CNPY1: variants seen among roughly 807,000 people sequenced by gnomAD.
CNPY1 encodes protein canopy homolog 1.
CNPY1 carries 14 observed loss-of-function variants against 14.4 expected under a neutral mutation model. The ratio of observed to expected loss-of-function variants is 0.97; its 90% CI spans 0.64 to 1.52. The LOEUF (loss-of-function observed/expected upper bound fraction) is 1.52, where lower values mean the gene tolerates loss of function less well. Among genes scored for constraint, CNPY1 ranks in the 40% most tolerant of loss-of-function variants. The pLI is 0.00. For missense variants in CNPY1, 129 were observed against 131.5 expected (o/e 0.98, Z 0.09); for synonymous variants, 43 against 46.5 (o/e 0.92, Z 0.31).
At chr7:155,537,615 G>C (rs573316346) in intron 2 of CNPY1, among the ~76,000 whole-genome samples, 1 of 152,002 alleles carries the variant, frequency 6.6e-6, no homozygotes, top group African/African-American at 2.4e-5. Context: ...AGTAGAGATG[G>C]GGTTTCACCG....
chr7:155,537,932 A>G (rs1043452964), intron 2 of CNPY1, among the ~76,000 whole-genome samples: 3 of 152,190 alleles, frequency 2.0e-5, no homozygotes, highest in Non-Finnish European at 4.4e-5. Flanking sequence ...AAACAAAAAA[A>G]GAAAGAAAGG....
At chr7:155,527,695 T>C (rs567055083) in intron 2 of CNPY1, among the ~76,000 whole-genome samples, 1 of 151,814 alleles carries the variant, frequency 6.6e-6, no homozygotes, top group African/African-American at 2.4e-5. Context: ...CAAGCTATCC[T>C]CCCGCCTTGG....
intron 2 of CNPY1, among the ~76,000 whole-genome samples, chr7:155,542,352 T>C (rs886249790): frequency 1.3e-5 from 2 of 152,034 alleles, no homozygotes; most frequent in Non-Finnish European, 2.9e-5. Context: ...CCCCCAACCA[T>C]GGTCAGAGCA....
intron 4 of CNPY1, among the ~76,000 whole-genome samples, chr7:155,504,867 A>T (rs2116658670): frequency 6.6e-6 from 1 of 152,320 alleles, no homozygotes; most frequent in East Asian, 1.9e-4. Flanking sequence ...CTGTCCTTGT[A>T]TGTTAGATTA....
At chr7:155,522,141 A>G (rs1462367415) in intron 2 of CNPY1, among the ~76,000 whole-genome samples, 1 of 152,270 alleles carries the variant, frequency 6.6e-6, no homozygotes, top group Non-Finnish European at 1.5e-5. Context: ...CAGGCGCTGC[A>G]TCTTCTACCT....
intron 1 of CNPY1, 37 bp from the exon 2 acceptor site, chr7:155,545,980 A>C (rs1042542092): frequency 1.0e-5 from 4 of 398,530 alleles, no homozygotes; most frequent in African/African-American, 4.1e-5. Context: ...TCAGAGGAGG[A>C]GGCGAGCCAG....
intron 2 of CNPY1, among the ~76,000 whole-genome samples, chr7:155,542,572 A>T (rs1585338779): frequency 1.3e-5 from 2 of 151,970 alleles, no homozygotes; most frequent in East Asian, 3.9e-4. Context: ...CAATGCTGCT[A>T]GTGGCAAAGT....
chr7:155,515,299 C>G (rs1438203726), intron 2 of CNPY1, among the ~76,000 whole-genome samples: 2 of 143,216 alleles, frequency 1.4e-5, no homozygotes, highest in Non-Finnish European at 3.2e-5. Flanking sequence ...AGGCCGCCCC[C>G]CCCCCCCCCG....
chr7:155,533,325 G>A (rs757210297), intron 2 of CNPY1, among the ~76,000 whole-genome samples: 4 of 152,330 alleles, frequency 2.6e-5, no homozygotes, highest in Middle Eastern at 3.4e-3. Context: ...GTGCCGGCTC[G>A]GAACATGCCC....
chr7:155,525,712 G>A (rs1225937735), intron 2 of CNPY1, among the ~76,000 whole-genome samples: 1 of 152,152 alleles, frequency 6.6e-6, no homozygotes, highest in East Asian at 1.9e-4. Context: ...CACACTATTT[G>A]TGTCTTATCT....
intron 3 of CNPY1, 55 bp downstream of exon 3, chr7:155,508,839 G>C: frequency 6.3e-7 from 1 of 1,580,144 alleles, no homozygotes; most frequent in Non-Finnish European, 8.6e-7. Context: ...ACAAAAAAGA[G>C]TTCCAAAAAC....
intron 2 of CNPY1, among the ~76,000 whole-genome samples, chr7:155,544,409 T>C (rs1797135469): frequency 6.6e-6 from 1 of 152,214 alleles, no homozygotes; most frequent in South Asian, 2.1e-4. Flanking sequence ...TTGTTGGGCC[T>C]GTAGAGAAAG....
intron 2 of CNPY1, among the ~76,000 whole-genome samples, chr7:155,517,161 C>A (rs1796636539): frequency 6.6e-6 from 1 of 152,186 alleles, no homozygotes. Flanking sequence ...GAGATAGGAT[C>A]TTTGAAGAGG....
At chr7:155,519,636 CA>C (rs10718266) in intron 2 of CNPY1, among the ~76,000 whole-genome samples, 17,326 of 148,466 alleles carry the variant, frequency 0.12, 2,034 homozygotes, top group African/African-American at 0.31. Context: ...TTATTGGTGG[CA>C]AAAAAAAAGA....
Position 155,502,348 on chromosome 7 carries a change from A to C in CNPY1, c.*720T>G, listed in dbSNP as rs905511631. 4 of 152,244 alleles carry C rather than the reference A, an allele frequency of 2.6e-5. No individual in the cohort carries two copies. The highest frequency in any genetic ancestry group is 9.6e-5 in the African/African-American group (4 of 41,462). The allele number at this position is 152,244 out of a possible 1,614,324, so 9.4% of individuals were successfully genotyped here. The stretch of plus-strand genomic sequence containing the variant: ...AAGCCAGAAGAGTTTGGAGCGAAAC[A>C]AAACGCAATCACTAGTGTCATCTTT... On this transcript the variant is annotated 3_prime_UTR_variant, in exon 5 of 5. Coordinates refer to ENST00000636446, the MANE Select transcript of CNPY1 (RefSeq NM_001393663.1).
chr7:155,543,254 G>A (rs1449961785), intron 2 of CNPY1, among the ~76,000 whole-genome samples: 1 of 152,192 alleles, frequency 6.6e-6, no homozygotes, highest in Non-Finnish European at 1.5e-5. Context: ...GACAATGGGG[G>A]CCCGAGACCC....
rs534885642 is a variant in CNPY1 at position 155,531,879 on chromosome 7, T to C, written c.99+13952A>G. Among the ~76,000 whole-genome samples the C allele has an allele frequency of 7.9e-5, 12 of 152,278 alleles. No homozygotes were observed. In the East Asian group the frequency reaches 1.2e-3, roughly 15 times the overall value. ...CAGTTCCCCAGAGCCACCTAAGCCCTGAGCCTCTGGCCACTGTCAGCCCGG... is the reference window on the plus strand; with the variant it reads ...CAGTTCCCCAGAGCCACCTAAGCCCCGAGCCTCTGGCCACTGTCAGCCCGG... On this transcript the variant is annotated intron_variant, in intron 2 of 4. Transcript: ENST00000636446.
chr7:155,526,149 G>A (rs1225888048), intron 2 of CNPY1, among the ~76,000 whole-genome samples: 1 of 152,180 alleles, frequency 6.6e-6, no homozygotes, highest in Admixed American at 6.5e-5. Flanking sequence ...GAAGGTGTGA[G>A]AGAATATCTG....
At chr7:155,504,437 A>G (rs1227734591) in intron 4 of CNPY1, among the ~76,000 whole-genome samples, 1 of 151,810 alleles carries the variant, frequency 6.6e-6, no homozygotes. Context: ...ACTTGCCAGC[A>G]TGTGATTATT....
Sources: gnomAD v4.1 joint callset for allele counts (sites outside exome capture counted in the v4.1 genomes callset) on GRCh38, gnomAD v4.1.1 for gene constraint, MANE v1.5 for transcripts, NCBI Gene and HGNC (gene_info 2026-07-23, HGNC 2026-07-21) for gene names.